The following KIF6 variants were observed in gnomAD, a reference collection of about 807,000 sequenced individuals.
KIF6 encodes kinesin-like protein KIF6.
A neutral mutation model predicts 112.7 loss-of-function variants in KIF6; 106 were observed. The ratio of observed to expected loss-of-function variants is 0.94; its 90% confidence interval spans 0.80 to 1.11. The LOEUF is 1.11. KIF6 is among the 50% of genes least tolerant of loss of function. KIF6 has a pLI of 0.00. For synonymous variants in KIF6, 339 were observed against 339.9 expected (o/e 1.00, Z 0.03); for missense variants, 929 against 964.0 (o/e 0.96, Z 0.48).
At chr6:39,372,042 G>A (rs1295661445) in intron 16 of KIF6, among the ~76,000 whole-genome samples, 1 of 152,192 alleles carries the variant, frequency 6.6e-6, no homozygotes, top group Admixed American at 6.5e-5. Flanking sequence ...AAAGAGAGAT[G>A]ACTATTTCCC....
intron 10 of KIF6, among the ~76,000 whole-genome samples, chr6:39,568,537 T>C (rs1206847937): frequency 6.6e-6 from 1 of 151,936 alleles, no homozygotes; most frequent in Non-Finnish European, 1.5e-5. Flanking sequence ...AGATTTTTCA[T>C]TTTCTTTTCT....
At chr6:39,467,454 A>G (rs1773858923) in intron 13 of KIF6, among the ~76,000 whole-genome samples, 1 of 152,200 alleles carries the variant, frequency 6.6e-6, no homozygotes. Context: ...TTTACACATG[A>G]TATCAACAAA....
At chr6:39,513,759 T>C (rs1776913061) in intron 13 of KIF6, among the ~76,000 whole-genome samples, 1 of 152,212 alleles carries the variant, frequency 6.6e-6, no homozygotes, top group Non-Finnish European at 1.5e-5. Context: ...ATGCCAGGTC[T>C]AGAGGTCTGT....
rs1348482984 is a variant in KIF6, at chr6:39,547,517, T to C, written c.1182-1829A>G. Among the ~76,000 whole-genome samples, 3 of 152,154 alleles carry C rather than the reference T, an allele frequency of 2.0e-5. No homozygotes were observed. In the South Asian group the frequency reaches 6.2e-4, roughly 31 times the overall value. Reference sequence around the variant, plus strand: ...TCCAAACAATGCAGATGTGAATATATTAAAAAGTGAAAACTCCTCCCACTC... The same window carrying C: ...TCCAAACAATGCAGATGTGAATATACTAAAAAGTGAAAACTCCTCCCACTC... On this transcript the variant is annotated intron_variant, in intron 10 of 22. Coordinates refer to ENST00000287152, the MANE Select transcript of KIF6 (RefSeq NM_145027.6).
chr6:39,346,169 C>CTCTCTCTTT (rs1763789974), intron 20 of KIF6, among the ~76,000 whole-genome samples: 1 of 142,830 alleles, frequency 7.0e-6, no homozygotes, highest in Admixed American at 7.2e-5. Flanking sequence ...CTCTTTCTCT[C>CTCTCTCTTT]CTATGTGAGC....
chr6:39,683,496 A>C (rs1327062720), intron 3 of KIF6, among the ~76,000 whole-genome samples: 1 of 152,220 alleles, frequency 6.6e-6, no homozygotes, highest in African/African-American at 2.4e-5. Context: ...GATGTTCATA[A>C]ATACCCAAGT....
chr6:39,430,613 A>AGGCTTCTGGGTCACAAGAT (rs1771083712), intron 14 of KIF6, among the ~76,000 whole-genome samples: 1 of 152,206 alleles, frequency 6.6e-6, no homozygotes, highest in African/African-American at 2.4e-5. Context: ...AAGACACCAA[A>AGGCTTCTGGGTCACAAGAT]GGCTTCTGGG....
At chr6:39,651,665 G>A (rs1188429582) in intron 3 of KIF6, among the ~76,000 whole-genome samples, 1 of 152,048 alleles carries the variant, frequency 6.6e-6, no homozygotes, top group Non-Finnish European at 1.5e-5. Flanking sequence ...CTTCAATTTT[G>A]TGTAAAATGG....
At chr6:39,407,216 T>C (rs1769155549) in intron 15 of KIF6, among the ~76,000 whole-genome samples, 1 of 152,174 alleles carries the variant, frequency 6.6e-6, no homozygotes, top group Non-Finnish European at 1.5e-5. Flanking sequence ...GTTTTTTAAT[T>C]TTTCCTTTTT....
At chr6:39,449,492 C>A (rs11752294) in intron 13 of KIF6, among the ~76,000 whole-genome samples, 3,379 of 152,328 alleles carry the variant, frequency 0.022, 67 homozygotes, top group Non-Finnish European at 0.029. Flanking sequence ...TTTCTGGGAT[C>A]TTTATGATTA....
chr6:39,602,274 T>G (rs963257975), intron 6 of KIF6, among the ~76,000 whole-genome samples: 1 of 152,136 alleles, frequency 6.6e-6, no homozygotes, highest in African/African-American at 2.4e-5. Context: ...GGGTGAAAAT[T>G]GAAAAACCTA....
At chr6:39,544,170 G>A (rs1483470197) in intron 12 of KIF6, among the ~76,000 whole-genome samples, 1 of 152,164 alleles carries the variant, frequency 6.6e-6, no homozygotes, top group African/African-American at 2.4e-5. Context: ...TCAGCCTGTT[G>A]TCTGGTCAGC....
chr6:39,410,667 C>T (rs978929353), intron 15 of KIF6, among the ~76,000 whole-genome samples: 6 of 152,068 alleles, frequency 3.9e-5, no homozygotes, highest in South Asian at 2.1e-4. Context: ...TTATAATGTA[C>T]CTTACTAATC....
intron 13 of KIF6, among the ~76,000 whole-genome samples, chr6:39,515,315 C>A (rs1296328829): frequency 2.0e-5 from 3 of 152,178 alleles, no homozygotes; most frequent in African/African-American, 4.8e-5. Context: ...TGAATAGGAA[C>A]CATATCGGAA....
In KIF6 at chr6:39,596,536, T is replaced by C. The variant is rs537803694; in HGVS notation, c.640-276A>G. Reference sequence around the variant, plus strand: ...AGTCCTCTTGCCAATATAACTTTATTTCATTACCTGTCTATAATCCATGCA... The same window carrying C: ...AGTCCTCTTGCCAATATAACTTTATCTCATTACCTGTCTATAATCCATGCA... On this transcript the variant is annotated intron_variant, in intron 6 of 22. Coordinates refer to ENST00000287152, the MANE Select transcript of KIF6 (RefSeq NM_145027.6). Among the ~76,000 whole-genome samples the C allele has an allele frequency of 4.5e-4, 68 of 152,342 alleles. No individual in the cohort carries two copies. In the South Asian group the frequency reaches 0.013, roughly 29 times the overall value.
rs1437347325 is a variant in KIF6, at chr6:39,330,321, A to G, written c.*6211T>C. The G allele has an allele frequency of 6.6e-6, 1 of 152,278 alleles. No homozygotes were observed. The highest frequency in any genetic ancestry group is 1.5e-5 in the Non-Finnish European group (1 of 68,070). 9.4% of individuals were successfully genotyped at this position (152,278 alleles called of 1,614,324 possible). ...ACCCACATGAGGCCTGGACTATGTTAGGGGTGGCCTGCATGGATGACGTTG... is the reference window on the plus strand; with the variant it reads ...ACCCACATGAGGCCTGGACTATGTTGGGGGTGGCCTGCATGGATGACGTTG... On this transcript the variant is annotated 3_prime_UTR_variant, in exon 23 of 23. Transcript: ENST00000287152.
At chr6:39,623,911 C>A (rs1186857817) in intron 5 of KIF6, among the ~76,000 whole-genome samples, 3 of 152,166 alleles carry the variant, frequency 2.0e-5, no homozygotes, top group Non-Finnish European at 4.4e-5. Context: ...CCATGTGTCC[C>A]CTCTCTCAGG....
At chr6:39,346,088 C>CCTCCCCCT (rs1562112910) in intron 20 of KIF6, among the ~76,000 whole-genome samples, 1 of 34,484 alleles carries the variant, frequency 2.9e-5, no homozygotes, top group Non-Finnish European at 5.1e-5. Context: ...CTCTCTCTCC[C>CCTCCCCCT]CCCCCTCTCC....
Position 39,334,127 on chromosome 6 carries a change from G to GC in KIF6, c.*2404dup, listed in dbSNP as rs1183437171. Reference sequence around the variant, plus strand: ...TTTGCATATGCTCTGGACACCAGTGGCCCCAGATCCCATGTTGTGTGTTTT... The same window carrying GC: ...TTTGCATATGCTCTGGACACCAGTGGCCCCCAGATCCCATGTTGTGTGTTTT... On this transcript the variant is annotated 3_prime_UTR_variant, in exon 23 of 23. Coordinates refer to ENST00000287152, the MANE Select transcript of KIF6 (RefSeq NM_145027.6). 6.6e-6 allele frequency: 1 copy of GC among 152,252 alleles called. No homozygotes were observed. Among genetic ancestry groups the GC allele is most frequent in the Non-Finnish European group, 1.5e-5 (1 of 68,062 alleles). The allele number at this position is 152,252 out of a possible 1,614,324, so 9.4% of individuals were successfully genotyped here. A position where few individuals can be genotyped will look rare whatever the true frequency, so the allele number is the denominator to read the frequency against.
Sources: gnomAD v4.1 joint callset for allele counts (sites outside exome capture counted in the v4.1 genomes callset) on GRCh38, gnomAD v4.1.1 for gene constraint, MANE v1.5 for transcripts, NCBI Gene and HGNC (gene_info 2026-07-23, HGNC 2026-07-21) for gene names.